The following INTS4 variants were observed in gnomAD, a reference collection of about 807,000 sequenced individuals.
INTS4 encodes the protein MSTP093.
A neutral mutation model predicts 119.5 loss-of-function variants in INTS4; 70 were observed. That is an observed-to-expected ratio of 0.59 (90% CI 0.48 to 0.71). The LOEUF (loss-of-function observed/expected upper bound fraction) is 0.71, where lower values mean the gene tolerates loss of function less well. Ranked by LOEUF, INTS4 falls within the 30% of genes least tolerant of loss-of-function variation. The pLI is 0.00. For synonymous variants in INTS4, 316 were observed against 419.6 expected (o/e 0.75, Z 3.02); for missense variants, 867 against 1,173.2 (o/e 0.74, Z 3.81).
intron 4 of INTS4, among the ~76,000 whole-genome samples, chr11:77,975,328 A>T (rs1313850265): frequency 6.6e-6 from 1 of 151,356 alleles, no homozygotes; most frequent in Non-Finnish European, 1.5e-5. Flanking sequence ...TTCTTCGTTG[A>T]CTCATTAGTT....
intron 4 of INTS4, among the ~76,000 whole-genome samples, chr11:77,974,972 G>C (rs145625537): frequency 8.0e-4 from 122 of 152,074 alleles, no homozygotes; most frequent in African/African-American, 2.7e-3. Flanking sequence ...CTAGTAATTT[G>C]AGTCTTCTCT....
At chr11:77,904,398 AT>A (rs1037825403) in intron 16 of INTS4, among the ~76,000 whole-genome samples, 25 of 152,224 alleles carry the variant, frequency 1.6e-4, no homozygotes, top group Non-Finnish European at 3.1e-4. Flanking sequence ...GACTAAGTTA[AT>A]TTTTTAAAAA....
chr11:77,919,401 C>G (rs1227052800), intron 14 of INTS4, among the ~76,000 whole-genome samples: 3 of 152,086 alleles, frequency 2.0e-5, no homozygotes, highest in Admixed American at 6.6e-5. Flanking sequence ...ATTCTCTTGC[C>G]TCAGCCTCCT....
At chr11:77,933,835 C>T (rs199733762) in intron 10 of INTS4, among the ~76,000 whole-genome samples, 6 of 151,814 alleles carry the variant, frequency 4.0e-5, no homozygotes, top group East Asian at 2.0e-4. Context: ...TCTGCCCGGC[C>T]GCCCTGTCTG....
intron 4 of INTS4, among the ~76,000 whole-genome samples, chr11:77,961,564 C>G (rs1421812589): frequency 1.3e-5 from 2 of 152,138 alleles, no homozygotes; most frequent in Non-Finnish European, 2.9e-5. Context: ...CACAAATACA[C>G]ATATATAACA....
At chr11:77,949,425 A>T (rs1389966440) in intron 8 of INTS4, among the ~76,000 whole-genome samples, 1 of 152,000 alleles carries the variant, frequency 6.6e-6, no homozygotes, top group Non-Finnish European at 1.5e-5. Flanking sequence ...ATCAGAGTGA[A>T]CAAGCAACCT....
rs1465089171 is a variant in INTS4, at chr11:77,938,768, T to G, written c.1048A>C (p.Ser350Arg). ...KELYSSGEFS[S>R]GRKWGDDAPK... ...GCATCATCTCCCCACTTTCTGCCAC[T>G]GGAAAACTCCCCCGAACTGTAAAGT... Residue 350 changes from serine (S) to arginine (R), a missense_variant, in exon 10 of 23, where the codon AGT becomes CGT. Ser to Arg is a moderately radical substitution (Grantham distance 110, BLOSUM62 -1). This residue lies in a region of INTS4 where 208 missense variants were observed against 306.6 expected (regional missense o/e 0.68). Transcript: ENST00000534064. The G allele has an allele frequency of 6.2e-7, 1 of 1,612,036 alleles. No individual in the cohort carries two copies. The highest frequency in any genetic ancestry group is 1.1e-5 in the South Asian group (1 of 90,988).
intron 21 of INTS4, among the ~76,000 whole-genome samples, chr11:77,887,537 C>T (rs540004710): frequency 4.6e-4 from 70 of 152,232 alleles, no homozygotes; most frequent in African/African-American, 1.6e-3. Context: ...TCTCTCAGCA[C>T]TCCTATTCAA....
chr11:77,974,713 C>A (rs1855876933), intron 4 of INTS4, among the ~76,000 whole-genome samples: 1 of 151,700 alleles, frequency 6.6e-6, no homozygotes, highest in Non-Finnish European at 1.5e-5. Context: ...GCGATCCTCC[C>A]ATCTCAGCCT....
At chr11:77,883,711 C>T (rs1951879976) in intron 22 of INTS4, 121 bp downstream of exon 22, 2 of 1,086,634 alleles carry the variant, frequency 1.8e-6, no homozygotes, top group Non-Finnish European at 1.3e-6. Flanking sequence ...TCATTAAGTT[C>T]AATTCTTACA....
intron 4 of INTS4, among the ~76,000 whole-genome samples, chr11:77,964,181 A>C (rs1855381496): frequency 6.6e-6 from 1 of 152,202 alleles, no homozygotes; most frequent in Non-Finnish European, 1.5e-5. Context: ...GAAATGATTA[A>C]GGAGAGGATA....
chr11:77,963,352 C>CAA (rs777966254), intron 4 of INTS4: 14,216 of 172,612 alleles, frequency 0.082, 479 homozygotes, highest in South Asian at 0.1. Flanking sequence ...GACTCCGTCT[C>CAA]AAAAAAAAAA....
intron 10 of INTS4, among the ~76,000 whole-genome samples, chr11:77,932,696 GAACC>G (rs1350098308): frequency 6.6e-6 from 1 of 151,992 alleles, no homozygotes; most frequent in African/African-American, 2.4e-5. Context: ...TAAAGACTTG[GAACC>G]AACCCAAAGG....
At chr11:77,967,509 G>A (rs533378306) in intron 4 of INTS4, among the ~76,000 whole-genome samples, 2 of 152,280 alleles carry the variant, frequency 1.3e-5, no homozygotes, top group East Asian at 1.9e-4. Context: ...GGTATATCCC[G>A]TAAGTGAACT....
chr11:77,990,061 CA>C (rs1165815380), intron 2 of INTS4, among the ~76,000 whole-genome samples: 1 of 151,024 alleles, frequency 6.6e-6, no homozygotes, highest in Non-Finnish European at 1.5e-5. Flanking sequence ...ACTAAAAATA[CA>C]AAAAAAATTA....
intron 8 of INTS4, among the ~76,000 whole-genome samples, chr11:77,950,918 T>C (rs2136554323): frequency 7.8e-6 from 1 of 128,636 alleles, no homozygotes; most frequent in Non-Finnish European, 1.6e-5. Flanking sequence ...TTCCCCTTCC[T>C]GTGTCCATGT....
intron 21 of INTS4, among the ~76,000 whole-genome samples, chr11:77,886,183 AACAG>A (rs368239905): frequency 9.9e-5 from 15 of 152,238 alleles, no homozygotes; most frequent in African/African-American, 3.4e-4. Flanking sequence ...CAGCCCAGGC[AACAG>A]ACAGAGACCT....
chr11:77,974,247 T>C (rs58032818), intron 4 of INTS4, among the ~76,000 whole-genome samples: 2 of 105,006 alleles, frequency 1.9e-5, no homozygotes, highest in Admixed American at 1.8e-4. Context: ...TCTTTTTTTT[T>C]TTTTTTTTTT....
chr11:77,901,207 A>G, intron 18 of INTS4: 1 of 616,346 alleles, frequency 1.6e-6, no homozygotes, highest in East Asian at 2.8e-5. Flanking sequence ...GAGGGTTTTT[A>G]GCAAGGGAGA....
Sources: allele counts gnomAD v4.1 joint callset (sites outside exome capture counted in the v4.1 genomes callset), GRCh38; gene constraint gnomAD v4.1.1; regional missense constraint gnomAD v4.1.1; transcripts MANE v1.5; gene names NCBI Gene and HGNC (gene_info 2026-07-23, HGNC 2026-07-21).